Variants in ITGA8 observed in about 807,000 individuals in gnomAD.
ITGA8 encodes integrin subunit alpha 8.
A neutral mutation model predicts 142.3 loss-of-function variants in ITGA8; 91 were observed. The observed-to-expected ratio is 0.64, with a 90% CI of 0.54 to 0.76. ITGA8 has a LOEUF of 0.76. Ranked by LOEUF, ITGA8 falls within the 30% of genes least tolerant of loss-of-function variation. The probability of loss-of-function intolerance (pLI) is 0.00; values close to 1 mark genes in which losing one functional copy is unlikely to be tolerated. For missense variants in ITGA8, 1,406 were observed against 1,327.7 expected, an observed-to-expected ratio of 1.06 and a Z score of -0.92; for synonymous variants, 505 against 485.2, an observed-to-expected ratio of 1.04 and a Z score of -0.54.
chr10:15,671,535 A>G, intron 8 of ITGA8, 68 bp downstream of exon 8: 2 of 1,313,996 alleles, frequency 1.5e-6, no homozygotes, highest in Non-Finnish European at 2.2e-6. Context: ...TGATAGAAAA[A>G]ACTTTATATG....
chr10:15,535,667 A>G (rs1045984959), intron 27 of ITGA8, among the ~76,000 whole-genome samples: 8 of 152,104 alleles, frequency 5.3e-5, no homozygotes, highest in African/African-American at 1.9e-4. Context: ...AAACGCACCA[A>G]TCAGCACCCT....
At chr10:15,563,640 T>C (rs188617787) in intron 25 of ITGA8, among the ~76,000 whole-genome samples, 46 of 152,168 alleles carry the variant, frequency 3.0e-4, no homozygotes, top group Admixed American at 4.6e-4. Flanking sequence ...AACAGCCAGG[T>C]GCGGTGGCTC....
chr10:15,570,820 A>T (rs1834166649), intron 25 of ITGA8, among the ~76,000 whole-genome samples: 1 of 152,184 alleles, frequency 6.6e-6, no homozygotes, highest in African/African-American at 2.4e-5. Context: ...ATATACAAAC[A>T]TATATAAATA....
intron 20 of ITGA8, among the ~76,000 whole-genome samples, chr10:15,601,322 G>A (rs978786155): frequency 1.3e-5 from 2 of 152,142 alleles, no homozygotes; most frequent in African/African-American, 4.8e-5. Flanking sequence ...TGCTGAAGGC[G>A]AGCTGGCTGT....
At chr10:15,641,804 A>G (rs1467487077) in intron 13 of ITGA8, among the ~76,000 whole-genome samples, 2 of 152,214 alleles carry the variant, frequency 1.3e-5, no homozygotes. Context: ...CCTCAAGTGA[A>G]TATTTCTGAT....
chr10:15,716,479 G>A (rs1588749188), intron 2 of ITGA8, among the ~76,000 whole-genome samples: 1 of 151,988 alleles, frequency 6.6e-6, no homozygotes, highest in East Asian at 1.9e-4. Context: ...CTGTTTAATT[G>A]CCAACTTGTT....
At chr10:15,539,548 C>T (rs538585314) in intron 27 of ITGA8, among the ~76,000 whole-genome samples, 107 of 152,198 alleles carry the variant, frequency 7.0e-4, no homozygotes, top group Non-Finnish European at 5.4e-4. Flanking sequence ...AATCATGACT[C>T]TTTGGACTTG....
chr10:15,617,709 A>G (rs1833420481), intron 13 of ITGA8, among the ~76,000 whole-genome samples: 1 of 152,112 alleles, frequency 6.6e-6, no homozygotes, highest in East Asian at 1.9e-4. Context: ...GGCTTTTCTT[A>G]ATCTCATTTA....
intron 3 of ITGA8, among the ~76,000 whole-genome samples, chr10:15,685,755 G>C (rs1031713294): frequency 2.0e-4 from 30 of 152,082 alleles, no homozygotes; most frequent in Admixed American, 3.3e-4. Flanking sequence ...GAATTAGTTT[G>C]CCTAATATCA....
intron 16 of ITGA8, 60 bp from the exon 17 acceptor site, chr10:15,607,891 AGAT>A: frequency 7.2e-7 from 1 of 1,397,424 alleles, no homozygotes; most frequent in Non-Finnish European, 1.0e-6. Flanking sequence ...TCTATCAGAG[AGAT>A]GAATTTCTAT....
Position 15,593,123 on chromosome 10 carries a change from A to G in ITGA8, c.2212-819T>C, listed in dbSNP as rs77525456. Reference sequence around the variant, plus strand: ...TACAGTACAGGAGTGCGGATGCGCTATAGGAAAACATTTCAGAATAATATG... The same window carrying G: ...TACAGTACAGGAGTGCGGATGCGCTGTAGGAAAACATTTCAGAATAATATG... On this transcript the variant is annotated intron_variant, in intron 21 of 29. Coordinates refer to ENST00000378076, the MANE Select transcript of ITGA8 (RefSeq NM_003638.3). Among the ~76,000 whole-genome samples the G allele has an allele frequency of 3.3e-3, 497 of 152,370 alleles. 3 individuals are homozygous for G. The highest frequency in any genetic ancestry group is 0.011 in the African/African-American group (474 of 41,590).
intron 26 of ITGA8, among the ~76,000 whole-genome samples, chr10:15,556,936 C>CT (rs1833898416): frequency 6.6e-6 from 1 of 152,196 alleles, no homozygotes; most frequent in Non-Finnish European, 1.5e-5. Flanking sequence ...CAGCTTCCTA[C>CT]TTTTTATGGA....
intron 9 of ITGA8, among the ~76,000 whole-genome samples, chr10:15,659,740 G>A (rs561683637): frequency 5.8e-4 from 88 of 152,272 alleles, no homozygotes; most frequent in Admixed American, 1.1e-3. Flanking sequence ...AATGACTGAT[G>A]TCCTTATCAA....
At position 15,606,286 on chromosome 10, in the gene ITGA8, T is replaced by C. The variant is rs750799319; in HGVS notation, c.1901A>G (p.Gln634Arg). 8.1e-6 allele frequency: 13 copies of C among 1,603,284 alleles called. No individual in the cohort carries two copies. The highest frequency in any genetic ancestry group is 9.4e-6 in the Non-Finnish European group (11 of 1,171,548). Residue 634 changes from glutamine (Q) to arginine (R), a missense_variant and splice_region_variant, in exon 18 of 30, where the codon CAG becomes CGG. By Grantham distance (43) the Gln-to-Arg change is conservative. Transcript: ENST00000378076. ...CGTCAAAGACTGTGAAGGACTTACC[T>C]GTTCACTAACAATGTTTTCTCTGTA... ...NYYRENIVSE[Q>R]AHILVDCGED...
intron 2 of ITGA8, among the ~76,000 whole-genome samples, chr10:15,705,765 G>A (rs972651242): frequency 5.3e-5 from 8 of 152,118 alleles, no homozygotes; most frequent in African/African-American, 1.7e-4. Flanking sequence ...CAAATCAAAT[G>A]TTCTAAATTT....
intron 27 of ITGA8, among the ~76,000 whole-genome samples, chr10:15,536,294 G>T (rs1833435612): frequency 6.6e-6 from 1 of 151,544 alleles, no homozygotes; most frequent in African/African-American, 2.4e-5. Flanking sequence ...CTTGTTGGAA[G>T]GAAAAAAAAA....
At chr10:15,634,593 C>G (rs1346889236) in intron 13 of ITGA8, among the ~76,000 whole-genome samples, 2 of 152,092 alleles carry the variant, frequency 1.3e-5, no homozygotes, top group African/African-American at 4.8e-5. Context: ...TAGCATAGTG[C>G]CAGGCACATG....
At chr10:15,701,570 G>A (rs367894112) in intron 2 of ITGA8, among the ~76,000 whole-genome samples, 2 of 152,164 alleles carry the variant, frequency 1.3e-5, no homozygotes, top group South Asian at 4.1e-4. Flanking sequence ...GCTGTAAGCA[G>A]ATTTTTCTAA....
At chr10:15,572,432 C>T in intron 24 of ITGA8, 63 bp from the exon 25 acceptor site, 1 of 1,449,360 alleles carries the variant, frequency 6.9e-7, no homozygotes, top group South Asian at 1.2e-5. Flanking sequence ...AATCAAACTC[C>T]ATATACTCTA....
Sources: gnomAD v4.1 joint callset for allele counts (sites outside exome capture counted in the v4.1 genomes callset) on GRCh38, gnomAD v4.1.1 for gene constraint, MANE v1.5 for transcripts, NCBI Gene and HGNC (gene_info 2026-07-23, HGNC 2026-07-21) for gene names.